Variants in SOX11 observed in about 807,000 individuals in gnomAD.
SOX11 encodes SRY-box transcription factor 11.
In SOX11, 5 loss-of-function variants were observed where a neutral mutation model predicts 16.7. That is an observed-to-expected ratio of 0.30 (90% confidence interval 0.16 to 0.63). SOX11 has a LOEUF of 0.63. Among genes scored for constraint, SOX11 ranks in the 20% least tolerant of loss-of-function variants. SOX11 has a pLI of 0.82. For synonymous variants in SOX11, 363 were observed against 298.8 expected (o/e 1.21, Z -2.22); for missense variants, 492 against 641.5 (o/e 0.77, Z 2.52).
Position 5,693,510 on chromosome 2 carries a change from G to T in SOX11, c.789G>T (p.Pro263=), listed in dbSNP as rs746501349. ...QQLLQPPGQQ[P]SQLLRRYNVA... The stretch of plus-strand genomic sequence containing the variant: ...TCCTGCAGCCGCCGGGGCAGCAGCC[G>T]TCGCAGCTGCTGAGACGCTACAACG... Residue 263 remains proline (P), a synonymous_variant, in exon 1 of 1, where the codon CCG becomes CCT. Coordinates refer to ENST00000322002, the MANE Select transcript of SOX11 (RefSeq NM_003108.4). This position sits in a 1 kb window ranked among gnomAD's most constrained non-coding sequence, Gnocchi z 8.6. The T allele has an allele frequency of 2.5e-6, 4 of 1,575,868 alleles. No individual in the cohort carries two copies. The highest frequency in any genetic ancestry group is 2.3e-5 in the South Asian group (2 of 88,318).
At position 5,693,750 on chromosome 2, in the gene SOX11, G is replaced by A; in HGVS notation, c.1029G>A (p.Ser343=). 3 of 1,574,316 alleles carry A rather than the reference G, an allele frequency of 1.9e-6. No homozygotes were observed. The highest frequency in any genetic ancestry group is 2.6e-6 in the Non-Finnish European group (3 of 1,156,394). ...PASSRSVSTS[S]SSSSGSSSGS... ...CCTCGCGCTCGGTGTCCACCTCCTC[G>A]TCCAGCAGCAGCGGCAGCAGCAGCG... Residue 343 remains serine, a synonymous_variant, in exon 1 of 1, where the codon TCG becomes TCA. Coordinates refer to ENST00000322002, the MANE Select transcript of SOX11 (RefSeq NM_003108.4). This position sits in a 1 kb window ranked among gnomAD's most constrained non-coding sequence, Gnocchi z 8.6.
chr2:5,692,779 G>C lies in SOX11; in HGVS notation c.58G>C (p.Asp20His). 2 of 1,611,860 alleles carry C rather than the reference G, an allele frequency of 1.2e-6. No individual in the cohort carries two copies. Among genetic ancestry groups the C allele is most frequent in the Non-Finnish European group, 1.7e-6 (2 of 1,178,596 alleles). Residue 20 changes from aspartate (D) to histidine (H), a missense_variant, in exon 1 of 1, where the codon GAC (aspartate) becomes CAC (histidine). By Grantham distance (81) the Asp-to-His change is moderately conservative (BLOSUM62 -1). This residue lies in a region of SOX11 where 44 missense variants were observed against 48.5 expected (regional missense o/e 0.91). Transcript: ENST00000322002. ...GAGCAACCTGCCCCGGGAGGCGCTG[G>C]ACACGGAGGAGGGCGAATTCATGGC... ...AESNLPREAL[D>H]TEEGEFMACS...
chr2:5,701,040 G>A lies in SOX11; in HGVS notation c.*6993G>A, dbSNP rs1024112112. On this transcript the variant is annotated 3_prime_UTR_variant, in exon 1 of 1. Coordinates refer to ENST00000322002, the MANE Select transcript of SOX11 (RefSeq NM_003108.4). ...AGGATGAAGTGTTTGATAGCACTAG[G>A]GGGGAAAGAAAATGCATGGCAAAGT... The A allele has an allele frequency of 6.0e-6, 1 of 166,866 alleles. No individual in the cohort carries two copies. 10.3% of individuals were successfully genotyped at this position (166,866 alleles called of 1,614,324 possible). A position where few individuals can be genotyped will look rare whatever the true frequency, so the allele number is the denominator to read the frequency against.
rs200996693 is a variant in SOX11, at chr2:5,693,063, C to T, written c.342C>T (p.Pro114=). The T allele has an allele frequency of 1.2e-6, 2 of 1,614,014 alleles. No homozygotes were observed. The highest frequency in any genetic ancestry group is 2.2e-5 in the East Asian group (1 of 44,844). ...RLRLKHMADY[P]DYKYRPRKKP... ...GGCTCAAGCACATGGCCGACTACCC[C>T]GACTACAAGTACCGGCCCCGGAAAA... is the stretch of plus-strand genomic sequence containing the variant. The change falls in exon 1 of 1, where the codon CCC becomes CCT. Residue 114 remains proline (P), a synonymous_variant. Coordinates refer to ENST00000322002, the MANE Select transcript of SOX11 (RefSeq NM_003108.4). The surrounding 1 kb of genome is among the most constrained non-coding windows in gnomAD (Gnocchi z 8.6).
Position 5,695,476 on chromosome 2 carries a change from A to T in SOX11, c.*1429A>T, listed in dbSNP as rs1327654421. On this transcript the variant is annotated 3_prime_UTR_variant, in exon 1 of 1. Coordinates refer to ENST00000322002, the MANE Select transcript of SOX11 (RefSeq NM_003108.4). ...GTTTAAAAAGTTTCTCATTTTGTGC[A>T]ATATAATCTAAATAAAGTACAGACC... 6.0e-6 allele frequency: 1 copy of T among 166,416 alleles called. No homozygotes were observed. The highest frequency in any genetic ancestry group is 1.5e-5 in the Non-Finnish European group (1 of 67,974). 10.3% of individuals were successfully genotyped at this position (166,416 alleles called of 1,614,324 possible).
At position 5,692,700 on chromosome 2, in the gene SOX11, G is replaced by C. The variant is rs752554353; in HGVS notation, c.-22G>C. The C allele has an allele frequency of 3.2e-6, 5 of 1,541,350 alleles. No individual in the cohort carries two copies. In the East Asian group the frequency reaches 1.1e-4, roughly 35 times the overall value. On this transcript the variant is annotated 5_prime_UTR_variant, in exon 1 of 1. Coordinates refer to ENST00000322002, the MANE Select transcript of SOX11 (RefSeq NM_003108.4). ...ACGAGACCCAGCGGCCCGGGTTGGA[G>C]CGTCCAGCCCTGCAGCGGATCATGG...
At position 5,694,129 on chromosome 2, in the gene SOX11, A is replaced by T. The variant is rs2103277421; in HGVS notation, c.*82A>T. 1 of 1,451,122 alleles carries T rather than the reference A, an allele frequency of 6.9e-7. No individual in the cohort carries two copies. The highest frequency in any genetic ancestry group is 1.4e-5 in the South Asian group (1 of 70,348). 89.9% of individuals were successfully genotyped at this position (1,451,122 alleles called of 1,614,324 possible). On this transcript the variant is annotated 3_prime_UTR_variant, in exon 1 of 1. Transcript: ENST00000322002. ...GGAAGTTGTAGTGGTGATGATGATG[A>T]TGATAATGATGATGATGATGGTGGT...
rs749379484 is a variant in SOX11 at position 5,693,149 on chromosome 2, C to CCGGCGG, written c.438_443dup (p.Gly147_Gly148dup). 37 of 1,597,002 alleles carry CCGGCGG rather than the reference C, an allele frequency of 2.3e-5. No individual in the cohort carries two copies. The East Asian group carries it at 7.9e-4, about 34-fold the overall frequency. On this transcript the variant is annotated inframe_insertion, in exon 1 of 1. Transcript: ENST00000322002. This position sits in a 1 kb window ranked among gnomAD's most constrained non-coding sequence, Gnocchi z 8.6. ...AGCCAGAGCCCAGAGAAGAGCGCGGCCGGCGGCGGCGGCGGGAGCGCGGGC... is the reference window on the plus strand; with the variant it reads ...AGCCAGAGCCCAGAGAAGAGCGCGGCCGGCGGCGGCGGCGGCGGCGGGAGCGCGGGC...
Position 5,693,893 on chromosome 2 carries a change from C to G in SOX11, c.1172C>G (p.Ser391Cys). 1 of 1,551,506 alleles carries G rather than the reference C, an allele frequency of 6.4e-7. No homozygotes were observed. The highest frequency in any genetic ancestry group is 1.4e-5 in the African/African-American group (1 of 73,184). ...LGGGAAAGNLSLSLVDKDLDS... is the reference protein window; with the variant it reads ...LGGGAAAGNLCLSLVDKDLDS... ...GGCGGCGCGGCGGCCGGGAACCTGT[C>G]CCTGTCGCTGGTGGATAAGGATTTG... Residue 391 changes from serine (S) to cysteine (C), a missense_variant, in exon 1 of 1, where the codon TCC (serine) becomes TGC (cysteine). Coordinates refer to ENST00000322002, the MANE Select transcript of SOX11 (RefSeq NM_003108.4). The surrounding 1 kb of genome is among the most constrained non-coding windows in gnomAD (Gnocchi z 8.6).
rs570061136 is a variant in SOX11, at chr2:5,698,510, T to G, written c.*4463T>G. The G allele has an allele frequency of 6.0e-6, 1 of 166,746 alleles. No homozygotes were observed. Among genetic ancestry groups the G allele is most frequent in the South Asian group, 2.1e-4 (1 of 4,810 alleles). The allele number at this position is 166,746 out of a possible 1,614,324, so 10.3% of individuals were successfully genotyped here. A position where few individuals can be genotyped will look rare whatever the true frequency, so the allele number is the denominator to read the frequency against. ...TTATTAATTCTTTAAACTGTGGAAG[T>G]AATTTCCAGTTCTTACACTCTGATA... On this transcript the variant is annotated 3_prime_UTR_variant, in exon 1 of 1. Coordinates refer to ENST00000322002, the MANE Select transcript of SOX11 (RefSeq NM_003108.4).
Position 5,694,198 on chromosome 2 carries a change from C to A in SOX11, c.*151C>A. On this transcript the variant is annotated 3_prime_UTR_variant, in exon 1 of 1. Transcript: ENST00000322002. Reference sequence around the variant, plus strand: ...AGGGTGGAGGGGAGAGAAGAAGATGCTGATGATATTGATAAGATGTCGTGA... The same window carrying A: ...AGGGTGGAGGGGAGAGAAGAAGATGATGATGATATTGATAAGATGTCGTGA... 1 of 991,750 alleles carries A rather than the reference C, an allele frequency of 1.0e-6. No individual in the cohort carries two copies. Among genetic ancestry groups the A allele is most frequent in the Non-Finnish European group, 1.4e-6 (1 of 702,960 alleles). The allele number at this position is 991,750 out of a possible 1,614,324, so 61.4% of individuals were successfully genotyped here. A position where few individuals can be genotyped will look rare whatever the true frequency, so the allele number is the denominator to read the frequency against.
At position 5,692,805 on chromosome 2, in the gene SOX11, T is replaced by A. The variant is rs759489239; in HGVS notation, c.84T>A (p.Ala28=). The change falls in exon 1 of 1, where the codon GCT becomes GCA. Residue 28 remains alanine, a synonymous_variant. Coordinates refer to ENST00000322002, the MANE Select transcript of SOX11 (RefSeq NM_003108.4). ...ALDTEEGEFM[A]CSPVALDESD... ...ACACGGAGGAGGGCGAATTCATGGC[T>A]TGCAGCCCGGTGGCCCTGGACGAGA... 2 of 1,612,778 alleles carry A rather than the reference T, an allele frequency of 1.2e-6. No homozygotes were observed. Among genetic ancestry groups the A allele is most frequent in the South Asian group, 2.2e-5 (2 of 90,958 alleles).
rs1310798404 is a variant in SOX11 at position 5,693,246 on chromosome 2, C to T, written c.525C>T (p.Ala175=). 4.4e-6 allele frequency: 6 copies of T among 1,378,586 alleles called. No homozygotes were observed. The South Asian group carries it at 5.2e-5, about 12-fold the overall frequency. 85.4% of individuals were successfully genotyped at this position (1,378,586 alleles called of 1,614,324 possible). ...GCGGCAAGCTCAAGGCCCCCGCGGC[C>T]GCGGGCGCCAAGGCGGGCGCGGGCA... is the stretch of plus-strand genomic sequence containing the variant. ...KKCGKLKAPA[A]AGAKAGAGKA... The change falls in exon 1 of 1, where the codon GCC becomes GCT. Residue 175 remains alanine (A), a synonymous_variant. Coordinates refer to ENST00000322002, the MANE Select transcript of SOX11 (RefSeq NM_003108.4). This position sits in a 1 kb window ranked among gnomAD's most constrained non-coding sequence, Gnocchi z 8.6.
Position 5,693,063 on chromosome 2 carries a change from C to G in SOX11, c.342C>G (p.Pro114=), listed in dbSNP as rs200996693. Residue 114 remains proline (P), a synonymous_variant, in exon 1 of 1, where the codon CCC becomes CCG. Transcript: ENST00000322002. The surrounding 1 kb of genome is among the most constrained non-coding windows in gnomAD (Gnocchi z 8.6). ...RLRLKHMADY[P]DYKYRPRKKP... is the part of the protein sequence containing the mutation. ...GGCTCAAGCACATGGCCGACTACCC[C>G]GACTACAAGTACCGGCCCCGGAAAA... 1.2e-6 allele frequency: 2 copies of G among 1,614,014 alleles called. No individual in the cohort carries two copies. Among genetic ancestry groups the G allele is most frequent in the East Asian group, 4.5e-5 (2 of 44,844 alleles).
At position 5,693,580 on chromosome 2, in the gene SOX11, T is replaced by A. The variant is rs971298974; in HGVS notation, c.859T>A (p.Ser287Thr). The stretch of plus-strand genomic sequence containing the variant: ...CCCTACGCTGAGCAGCTCGGCGGAG[T>A]CCCCCGAGGGAGCGAGCCTCTACGA... ...ASPTLSSSAE[S>T]PEGASLYDEV... The change falls in exon 1 of 1, where the codon TCC (serine) becomes ACC (threonine). Residue 287 changes from serine to threonine, a missense_variant. Coordinates refer to ENST00000322002, the MANE Select transcript of SOX11 (RefSeq NM_003108.4). This position sits in a 1 kb window ranked among gnomAD's most constrained non-coding sequence, Gnocchi z 8.6. The A allele has an allele frequency of 8.4e-6, 13 of 1,554,934 alleles. No homozygotes were observed. The highest frequency in any genetic ancestry group is 1.1e-5 in the Non-Finnish European group (13 of 1,158,832).
rs1327987766 is a variant in SOX11 at position 5,695,507 on chromosome 2, C to T, written c.*1460C>T. 6.1e-6 allele frequency: 1 copy of T among 163,400 alleles called. No homozygotes were observed. The highest frequency in any genetic ancestry group is 1.5e-5 in the Non-Finnish European group (1 of 67,598). The allele number at this position is 163,400 out of a possible 1,614,324, so 10.1% of individuals were successfully genotyped here. A position where few individuals can be genotyped will look rare whatever the true frequency, so the allele number is the denominator to read the frequency against. On this transcript the variant is annotated 3_prime_UTR_variant, in exon 1 of 1. Coordinates refer to ENST00000322002, the MANE Select transcript of SOX11 (RefSeq NM_003108.4). ...ATCTAAATAAAGTACAGACCATCTG[C>T]ATATTTTGTAGCAAATGGTGGCAAA... is the stretch of plus-strand genomic sequence containing the variant.
rs1665689711 is a variant in SOX11, at chr2:5,694,181, G to A, written c.*134G>A. On this transcript the variant is annotated 3_prime_UTR_variant, in exon 1 of 1. Coordinates refer to ENST00000322002, the MANE Select transcript of SOX11 (RefSeq NM_003108.4). ...TTGATGGTGGCGGTGGTAGGGTGGAGGGGAGAGAAGAAGATGCTGATGATA... is the reference window on the plus strand; with the variant it reads ...TTGATGGTGGCGGTGGTAGGGTGGAAGGGAGAGAAGAAGATGCTGATGATA... 8.6e-7 allele frequency: 1 copy of A among 1,165,210 alleles called. No individual in the cohort carries two copies. The highest frequency in any genetic ancestry group is 1.2e-6 in the Non-Finnish European group (1 of 850,042). 72.2% of individuals were successfully genotyped at this position (1,165,210 alleles called of 1,614,324 possible). A position where few individuals can be genotyped will look rare whatever the true frequency, so the allele number is the denominator to read the frequency against.
Position 5,693,780 on chromosome 2 carries a change from C to A in SOX11, c.1059C>A (p.Ser353Arg). 6.4e-7 allele frequency: 1 copy of A among 1,569,058 alleles called. No homozygotes were observed. Among genetic ancestry groups the A allele is most frequent in the Non-Finnish European group, 8.6e-7 (1 of 1,158,424 alleles). ...SSSSSGSSSGSSGEDADDLMF... is the reference protein window; with the variant it reads ...SSSSSGSSSGRSGEDADDLMF... ...GCAGCAGCGGCAGCAGCAGCGGCAGCAGCGGCGAGGACGCCGACGACCTGA... is the reference window on the plus strand; with the variant it reads ...GCAGCAGCGGCAGCAGCAGCGGCAGAAGCGGCGAGGACGCCGACGACCTGA... Residue 353 changes from serine to arginine, a missense_variant, in exon 1 of 1, where the codon AGC (serine) becomes AGA (arginine). Around this residue, in one of 4 missense-constraint regions of SOX11, gnomAD observed 389 missense variants for 389.0 expected, o/e 1.00. Coordinates refer to ENST00000322002, the MANE Select transcript of SOX11 (RefSeq NM_003108.4). The surrounding 1 kb of genome is among the most constrained non-coding windows in gnomAD (Gnocchi z 8.6).
Position 5,693,150 on chromosome 2 carries a change from C to A in SOX11, c.429C>A (p.Ala143=), listed in dbSNP as rs760467177. ...GCCAGAGCCCAGAGAAGAGCGCGGC[C>A]GGCGGCGGCGGCGGGAGCGCGGGCG... ...SASQSPEKSA[A]GGGGGSAGGG... Residue 143 remains alanine, a synonymous_variant, in exon 1 of 1, where the codon GCC becomes GCA. Transcript: ENST00000322002. The surrounding 1 kb of genome is among the most constrained non-coding windows in gnomAD (Gnocchi z 8.6). 6.5e-7 allele frequency: 1 copy of A among 1,541,618 alleles called. No individual in the cohort carries two copies. Among genetic ancestry groups the A allele is most frequent in the Non-Finnish European group, 8.8e-7 (1 of 1,141,610 alleles).
Sources: allele counts gnomAD v4.1 joint callset, GRCh38; gene constraint gnomAD v4.1.1; regional missense constraint gnomAD v4.1.1; non-coding constraint Gnocchi (gnomAD v3.1); transcripts MANE v1.5; gene names NCBI Gene and HGNC (gene_info 2026-07-23, HGNC 2026-07-21).